Variants in MAN1A1 observed in about 807,000 individuals in gnomAD.
The protein encoded by MAN1A1 is mannosyl-oligosaccharide 1,2-alpha-mannosidase IA.
A neutral mutation model predicts 70.8 loss-of-function variants in MAN1A1; 29 were observed. The ratio of observed to expected loss-of-function variants is 0.41; its 90% CI spans 0.31 to 0.56. The LOEUF is 0.56. Among genes scored for constraint, MAN1A1 ranks in the 20% least tolerant of loss-of-function variants. MAN1A1 has a pLI of 0.29. For missense variants in MAN1A1, 747 were observed against 841.3 expected, an observed-to-expected ratio of 0.89 and a Z score of 1.39; for synonymous variants, 349 against 330.1, an observed-to-expected ratio of 1.06 and a Z score of -0.62.
chr6:119,350,289 A>G (rs548340264), upstream of MAN1A1, among the ~76,000 whole-genome samples: 2 of 152,102 alleles, frequency 1.3e-5, no homozygotes, highest in East Asian at 3.9e-4. Context: ...CTTTTTATCC[A>G]AGGCCGGGGT....
chr6:119,300,507 A>G (rs11153806), intron 4 of MAN1A1, among the ~76,000 whole-genome samples: 57,407 of 151,536 alleles, frequency 0.38, 11,335 homozygotes, highest in Non-Finnish European at 0.41. Flanking sequence ...AACTGCCTCG[A>G]CCTCCCAAAG....
intron 6 of MAN1A1, among the ~76,000 whole-genome samples, chr6:119,218,816 AG>A (rs1377668279): frequency 6.6e-6 from 1 of 152,172 alleles, no homozygotes; most frequent in Non-Finnish European, 1.5e-5. Flanking sequence ...TGAGCTGCCA[AG>A]GTAGGCTCTG....
At chr6:119,181,891 C>T (rs1773163021) in intron 11 of MAN1A1, among the ~76,000 whole-genome samples, 1 of 152,170 alleles carries the variant, frequency 6.6e-6, no homozygotes, top group Non-Finnish European at 1.5e-5. Context: ...TGTGGATATA[C>T]ACCAAGAATT....
At chr6:119,267,673 T>C (rs1451731986) in intron 5 of MAN1A1, among the ~76,000 whole-genome samples, 2 of 152,186 alleles carry the variant, frequency 1.3e-5, no homozygotes, top group Non-Finnish European at 2.9e-5. Context: ...TATGTGGGCC[T>C]TGTCCCAATC....
At chr6:119,228,755 AAT>A (rs1347379113) in intron 6 of MAN1A1, among the ~76,000 whole-genome samples, 3 of 152,298 alleles carry the variant, frequency 2.0e-5, no homozygotes, top group East Asian at 3.9e-4. Context: ...AATGAAAATA[AAT>A]AGTTATAATT....
intron 5 of MAN1A1, among the ~76,000 whole-genome samples, chr6:119,287,905 T>C (rs554395194): frequency 1.3e-4 from 20 of 152,006 alleles, no homozygotes; most frequent in Non-Finnish European, 1.3e-4. Flanking sequence ...ATCCTATCTG[T>C]TTGTAATTCT....
At chr6:119,199,810 G>A (rs77600080) in intron 8 of MAN1A1, among the ~76,000 whole-genome samples, 10 of 151,996 alleles carry the variant, frequency 6.6e-5, no homozygotes, top group Admixed American at 6.6e-5. Context: ...TACTCGGGGC[G>A]GGGGGCCGAG....
intron 5 of MAN1A1, among the ~76,000 whole-genome samples, chr6:119,249,609 T>C (rs1329927140): frequency 2.0e-5 from 3 of 152,126 alleles, no homozygotes; most frequent in African/African-American, 7.2e-5. Context: ...TGTCAGCCAC[T>C]GGGGAAGCAT....
chr6:119,285,567 T>C (rs1373379965), intron 5 of MAN1A1, among the ~76,000 whole-genome samples: 1 of 152,104 alleles, frequency 6.6e-6, no homozygotes, highest in Non-Finnish European at 1.5e-5. Context: ...GGGATTAACA[T>C]ATATTTTTAT....
chr6:119,242,374 G>A (rs1011311569), intron 6 of MAN1A1, among the ~76,000 whole-genome samples: 8 of 151,986 alleles, frequency 5.3e-5, no homozygotes, highest in Non-Finnish European at 7.4e-5. Context: ...GCTTGAGCAC[G>A]GAGCCACCAC....
At chr6:119,261,526 C>A (rs975288540) in intron 5 of MAN1A1, among the ~76,000 whole-genome samples, 1 of 152,076 alleles carries the variant, frequency 6.6e-6, no homozygotes, top group Non-Finnish European at 1.5e-5. Flanking sequence ...TGAAGTGTAA[C>A]ACTGGAAAAA....
chr6:119,308,508 C>G (rs1429108655), intron 2 of MAN1A1, among the ~76,000 whole-genome samples: 1 of 152,048 alleles, frequency 6.6e-6, no homozygotes, highest in East Asian at 1.9e-4. Flanking sequence ...TTTTGTGACT[C>G]TTATCTGAAA....
chr6:119,203,465 C>A (rs1417813552), intron 7 of MAN1A1, among the ~76,000 whole-genome samples: 1 of 151,870 alleles, frequency 6.6e-6, no homozygotes, highest in Non-Finnish European at 1.5e-5. Flanking sequence ...AGAGCCAGGG[C>A]CCAGGTCACC....
chr6:119,348,311 A>G lies in MAN1A1; in HGVS notation c.603+152T>C. Reference sequence around the variant, plus strand: ...CTACTACTATATTGGAAACAGGAAAAGAAAGAGCTTTTGACACAGCACCTG... The same window carrying G: ...CTACTACTATATTGGAAACAGGAAAGGAAAGAGCTTTTGACACAGCACCTG... On this transcript the variant is annotated intron_variant, in intron 2 of 12. Transcript: ENST00000368468. The G allele has an allele frequency of 5.4e-6, 4 of 745,774 alleles. No homozygotes were observed. In the South Asian group the frequency reaches 8.0e-5, roughly 15 times the overall value. The allele number at this position is 745,774 out of a possible 1,614,324, so 46.2% of individuals were successfully genotyped here.
intron 8 of MAN1A1, among the ~76,000 whole-genome samples, chr6:119,200,808 C>T (rs1007710056): frequency 4.6e-5 from 7 of 152,160 alleles, no homozygotes; most frequent in Non-Finnish European, 5.9e-5. Flanking sequence ...GCTGTTTGCT[C>T]TTCCAATTTC....
rs1344576194 is a variant in MAN1A1 at position 119,189,773 on chromosome 6, C to T, written c.1437G>A (p.Gly479=). Residue 479 remains glycine, a synonymous_variant, in exon 10 of 13, where the codon GGG becomes GGA. Coordinates refer to ENST00000368468, the MANE Select transcript of MAN1A1 (RefSeq NM_005907.4). ...HKMGHLTCFA[G]GMFALGADAA... ...CATCAGCCCCGAGTGCGAACATGCCCCCCGCGAAGCAGGTCAGGTGGCCCA... is the reference window on the plus strand; with the variant it reads ...CATCAGCCCCGAGTGCGAACATGCCTCCCGCGAAGCAGGTCAGGTGGCCCA... 5.6e-6 allele frequency: 9 copies of T among 1,613,958 alleles called. No individual in the cohort carries two copies. Among genetic ancestry groups the T allele is most frequent in the African/African-American group, 5.3e-5 (4 of 74,898 alleles).
At chr6:119,269,900 A>G (rs747995448) in intron 5 of MAN1A1, among the ~76,000 whole-genome samples, 1 of 152,176 alleles carries the variant, frequency 6.6e-6, no homozygotes, top group African/African-American at 2.4e-5. Flanking sequence ...GGTTCAAGCT[A>G]TCCTCCTGCC....
At chr6:119,212,690 G>C (rs1426127913) in intron 6 of MAN1A1, among the ~76,000 whole-genome samples, 2 of 152,060 alleles carry the variant, frequency 1.3e-5, no homozygotes, top group East Asian at 3.9e-4. Context: ...TCCTCCTCTG[G>C]GCATTACTTA....
intron 2 of MAN1A1, among the ~76,000 whole-genome samples, chr6:119,345,218 A>G (rs564461779): frequency 6.6e-6 from 1 of 151,998 alleles, no homozygotes; most frequent in African/African-American, 2.4e-5. Context: ...GGGAGAAGGG[A>G]AGCTAAAAAT....
Sources: gnomAD v4.1 joint callset for allele counts (sites outside exome capture counted in the v4.1 genomes callset) on GRCh38, gnomAD v4.1.1 for gene constraint, MANE v1.5 for transcripts, NCBI Gene and HGNC (gene_info 2026-07-23, HGNC 2026-07-21) for gene names.